The following COL6A6 variants were observed in gnomAD, a reference collection of about 807,000 sequenced individuals.
COL6A6 encodes collagen type VI alpha 6 chain.
Under a neutral mutation model 208.6 loss-of-function variants are expected in COL6A6, and 183 were observed. That is an observed-to-expected ratio of 0.88 (90% CI 0.78 to 0.99). The LOEUF is 0.99. COL6A6 is among the 50% of genes least tolerant of loss of function. The pLI, the probability that COL6A6 is intolerant of heterozygous loss-of-function variation, is 0.00. For missense variants in COL6A6, 2,816 were observed against 2,815.2 expected, an observed-to-expected ratio of 1.00 and a Z score of -0.01; for synonymous variants, 973 against 1,011.8, an observed-to-expected ratio of 0.96 and a Z score of 0.73.
chr3:130,588,647 C>T (rs939147152), intron 11 of COL6A6, among the ~76,000 whole-genome samples: 2 of 152,124 alleles, frequency 1.3e-5, no homozygotes, highest in South Asian at 4.1e-4. Context: ...TCTAAATTCT[C>T]TAGCATACCA....
chr3:130,566,689 G>T lies in COL6A6; in HGVS notation c.1283-13G>T. ...GCTCAAATGCCACATGCAACTTATT[G>T]ATTCCTTTTTAGGTTGTGTGGACAC... On this transcript the variant is annotated splice_polypyrimidine_tract_variant and intron_variant, in intron 4 of 36. Transcript: ENST00000358511. 1 of 1,570,182 alleles carries T rather than the reference G, an allele frequency of 6.4e-7. No homozygotes were observed. Among genetic ancestry groups the T allele is most frequent in the Non-Finnish European group, 8.6e-7 (1 of 1,157,394 alleles).
At chr3:130,670,526 C>T (rs1201636127) in intron 36 of COL6A6, among the ~76,000 whole-genome samples, 1 of 152,184 alleles carries the variant, frequency 6.6e-6, no homozygotes, top group Non-Finnish European at 1.5e-5. Context: ...CAACCTCCCT[C>T]CACTTCCCCA....
intron 20 of COL6A6, 68 bp from the exon 21 acceptor site, chr3:130,606,863 T>A (rs904364668): frequency 7.9e-7 from 1 of 1,259,954 alleles, no homozygotes; most frequent in African/African-American, 1.5e-5. Flanking sequence ...GTGTCCATTA[T>A]GAATTTAAAT....
chr3:130,554,482 G>A (rs1396685244), intron 1 of COL6A6, among the ~76,000 whole-genome samples: 2 of 152,186 alleles, frequency 1.3e-5, no homozygotes, highest in Admixed American at 6.5e-5. Context: ...TGGTGGGCAC[G>A]AGGCTGGTGG....
chr3:130,623,085 A>G (rs1233320437), intron 24 of COL6A6, among the ~76,000 whole-genome samples: 1 of 152,154 alleles, frequency 6.6e-6, no homozygotes, highest in African/African-American at 2.4e-5. Flanking sequence ...GCACGGTGTT[A>G]TCTAAAACTT....
Position 130,566,822 on chromosome 3 carries a change from T to C in COL6A6, c.1403T>C (p.Ile468Thr). Residue 468 changes from isoleucine to threonine, a missense_variant, in exon 5 of 37, where the codon ATT becomes ACT. By Grantham distance (89) the Ile-to-Thr change is moderately conservative. Coordinates refer to ENST00000358511, the MANE Select transcript of COL6A6 (RefSeq NM_001102608.3). Reference protein sequence around the residue: ...FLSEVVGMFNIAPHKVRVGAV... With the variant: ...FLSEVVGMFNTAPHKVRVGAV... Reference sequence around the variant, plus strand: ...TCAGAGGTGGTAGGGATGTTCAACATTGCTCCCCATAAGGTGCGGGTTGGG... The same window carrying C: ...TCAGAGGTGGTAGGGATGTTCAACACTGCTCCCCATAAGGTGCGGGTTGGG... 6.2e-7 allele frequency: 1 copy of C among 1,613,952 alleles called. No individual in the cohort carries two copies. The highest frequency in any genetic ancestry group is 1.1e-5 in the South Asian group (1 of 91,078).
At chr3:130,615,538 G>A (rs1298189721) in intron 23 of COL6A6, among the ~76,000 whole-genome samples, 1 of 152,128 alleles carries the variant, frequency 6.6e-6, no homozygotes, top group Admixed American at 6.6e-5. Flanking sequence ...CTGTTTTAAA[G>A]CATGTTAATT....
intron 1 of COL6A6, among the ~76,000 whole-genome samples, chr3:130,533,253 TAAAAAAAAA>T (rs59750509): frequency 7.7e-6 from 1 of 129,530 alleles, no homozygotes; most frequent in Non-Finnish European, 1.6e-5. Flanking sequence ...TCCCAGGAAT[TAAAAAAAAA>T]AAAAAAAAAA....
intron 36 of COL6A6, among the ~76,000 whole-genome samples, chr3:130,671,279 G>C (rs2066208638): frequency 6.6e-6 from 1 of 152,164 alleles, no homozygotes; most frequent in Non-Finnish European, 1.5e-5. Context: ...CAATTAAAAG[G>C]CATTTTTGAA....
chr3:130,601,048 G>A (rs2064002017), intron 20 of COL6A6, among the ~76,000 whole-genome samples: 1 of 151,970 alleles, frequency 6.6e-6, no homozygotes, highest in African/African-American at 2.4e-5. Context: ...GTGCAGAAAA[G>A]CACAGAGATG....
chr3:130,626,977 T>G (rs1360885218), intron 25 of COL6A6, among the ~76,000 whole-genome samples: 1 of 152,112 alleles, frequency 6.6e-6, no homozygotes, highest in Non-Finnish European at 1.5e-5. Context: ...AAAATAGAAG[T>G]GTTATCAGGG....
chr3:130,556,517 A>G, intron 1 of COL6A6, among the ~76,000 whole-genome samples: 1 of 151,968 alleles, frequency 6.6e-6, no homozygotes, highest in East Asian at 1.9e-4. Context: ...TACTTTCCTT[A>G]TCCTTAGTTG....
intron 25 of COL6A6, among the ~76,000 whole-genome samples, chr3:130,627,073 T>C (rs1225007076): frequency 6.6e-6 from 1 of 152,124 alleles, no homozygotes; most frequent in Non-Finnish European, 1.5e-5. Context: ...AACCCATGAG[T>C]AGGTATAATT....
At chr3:130,619,470 C>T (rs56172401) in intron 23 of COL6A6, among the ~76,000 whole-genome samples, 3,459 of 152,302 alleles carry the variant, frequency 0.023, 56 homozygotes, top group South Asian at 0.052. Context: ...AATGAGGCTG[C>T]AGAGGCATGC....
rs1383556632 is a variant in COL6A6 at position 130,563,193 on chromosome 3, T to A, written c.190T>A (p.Tyr64Asn). ...CAGTCTCCCCATAGAGGCCGACAAA[T>A]ACCGTGTGGCCCTGGCCCAGTACAG... Reference protein sequence around the residue: ...ISSLPIEADKYRVALAQYSDK... With the variant: ...ISSLPIEADKNRVALAQYSDK... Residue 64 changes from tyrosine (Y) to asparagine (N), a missense_variant, in exon 3 of 37, where the codon TAC becomes AAC. Physicochemically the swap from Tyr to Asn is moderately radical, Grantham distance 143 (BLOSUM62 -2). Transcript: ENST00000358511. 3.7e-6 allele frequency: 6 copies of A among 1,613,876 alleles called. No homozygotes were observed. Among genetic ancestry groups the A allele is most frequent in the Non-Finnish European group, 4.2e-6 (5 of 1,179,910 alleles).
rs78069891 is a variant in COL6A6, at chr3:130,559,252, C to T, written c.-31-1082C>T. The stretch of plus-strand genomic sequence containing the variant: ...TTTCTCTAAAATGAAAAGGTTTGTA[C>T]TACACATTGCCTCCTGACATCTTTT... On this transcript the variant is annotated intron_variant, in intron 1 of 36. Transcript: ENST00000358511. Among the ~76,000 whole-genome samples, 165 of 152,336 alleles carry T rather than the reference C, an allele frequency of 1.1e-3. 1 individual carries two copies. The East Asian group carries it at 0.028, about 26-fold the overall frequency.
At chr3:130,563,716 T>G in intron 3 of COL6A6, 52 bp downstream of exon 3, 1 of 1,227,002 alleles carries the variant, frequency 8.1e-7, no homozygotes, top group Non-Finnish European at 1.2e-6. Flanking sequence ...TTTGAAAAAT[T>G]AAAATGGGGA....
intron 1 of COL6A6, among the ~76,000 whole-genome samples, chr3:130,539,256 A>C (rs1463377084): frequency 6.6e-6 from 1 of 152,220 alleles, no homozygotes; most frequent in Non-Finnish European, 1.5e-5. Flanking sequence ...TCAATGTGGA[A>C]TGGGCAGCAC....
chr3:130,531,061 G>GTC (rs10662894), intron 1 of COL6A6, among the ~76,000 whole-genome samples: 93,614 of 136,550 alleles, frequency 0.69, 34,406 homozygotes, highest in Non-Finnish European at 0.84. Context: ...CACACACACA[G>GTC]TCTCTCTCTC....
Sources: gnomAD v4.1 joint callset for allele counts (sites outside exome capture counted in the v4.1 genomes callset) on GRCh38, gnomAD v4.1.1 for gene constraint, MANE v1.5 for transcripts, NCBI Gene and HGNC (gene_info 2026-07-23, HGNC 2026-07-21) for gene names.